Variants in TBC1D15 observed in about 807,000 individuals in gnomAD.
TBC1D15 encodes the protein GAP for RAB7.
A neutral mutation model predicts 95.4 loss-of-function variants in TBC1D15; 39 were observed. The ratio of observed to expected loss-of-function variants is 0.41; its 90% CI spans 0.32 to 0.53. TBC1D15 has a LOEUF of 0.53. Among genes scored for constraint, TBC1D15 ranks in the 20% least tolerant of loss-of-function variants. The pLI is 0.29. For synonymous variants in TBC1D15, 258 were observed against 261.3 expected (o/e 0.99, Z 0.12); for missense variants, 733 against 794.3 (o/e 0.92, Z 0.93).
At chr12:71,897,749 A>G (rs896372244) in intron 9 of TBC1D15, 98 bp from the exon 10 acceptor site, 9 of 800,822 alleles carry the variant, frequency 1.1e-5, no homozygotes, top group African/African-American at 3.5e-5. Context: ...CTAGCATCAT[A>G]AATGCTTTGA....
In TBC1D15 at chr12:71,860,061, A is replaced by G. The variant is rs373433849; in HGVS notation, c.31-12009A>G. On this transcript the variant is annotated intron_variant, in intron 1 of 16. Coordinates refer to ENST00000485960, the MANE Select transcript of TBC1D15 (RefSeq NM_001146213.3). ...AATGTTCTTGGTGACTTTGTCAAAAATCAGTTGGCTCTAAATTTATTTCTG... is the reference window on the plus strand; with the variant it reads ...AATGTTCTTGGTGACTTTGTCAAAAGTCAGTTGGCTCTAAATTTATTTCTG... 2.6e-5 allele frequency among the ~76,000 whole-genome samples: 4 copies of G among 152,308 alleles called. No homozygotes were observed. The East Asian group carries it at 5.8e-4, about 22-fold the overall frequency.
chr12:71,878,670 C>G (rs1360709316), intron 3 of TBC1D15, among the ~76,000 whole-genome samples: 1 of 151,624 alleles, frequency 6.6e-6, no homozygotes, highest in African/African-American at 2.4e-5. Context: ...CACCCCCCAC[C>G]ACTCCCGGCT....
intron 1 of TBC1D15, among the ~76,000 whole-genome samples, chr12:71,841,893 A>G (rs1885109443): frequency 6.6e-6 from 1 of 152,248 alleles, no homozygotes; most frequent in African/African-American, 2.4e-5. Flanking sequence ...ACATAAAAAG[A>G]CATGATACCT....
intron 1 of TBC1D15, among the ~76,000 whole-genome samples, chr12:71,860,485 TTTC>T (rs2138108513): frequency 6.6e-6 from 1 of 152,368 alleles, no homozygotes; most frequent in East Asian, 1.9e-4. Context: ...TCCTACATTA[TTTC>T]CTTTTTTGTT....
At chr12:71,870,953 A>G (rs770759484) in intron 1 of TBC1D15, among the ~76,000 whole-genome samples, 5 of 152,218 alleles carry the variant, frequency 3.3e-5, no homozygotes, top group African/African-American at 4.8e-5. Flanking sequence ...TCTGAAGACT[A>G]ATATTAATAA....
intron 10 of TBC1D15, among the ~76,000 whole-genome samples, chr12:71,901,984 T>C (rs904774723): frequency 3.9e-5 from 6 of 152,086 alleles, no homozygotes; most frequent in African/African-American, 7.2e-5. Flanking sequence ...TGTGATCCCA[T>C]TCACAGTAGG....
intron 11 of TBC1D15, among the ~76,000 whole-genome samples, chr12:71,908,863 G>A (rs954835437): frequency 1.3e-5 from 2 of 152,078 alleles, no homozygotes; most frequent in African/African-American, 2.4e-5. Flanking sequence ...GTAAATAATT[G>A]GTCTGGGAGT....
chr12:71,858,923 C>T (rs1889753020), intron 1 of TBC1D15, among the ~76,000 whole-genome samples: 1 of 151,482 alleles, frequency 6.6e-6, no homozygotes, highest in Non-Finnish European at 1.5e-5. Context: ...TTTACATTCC[C>T]ACCAGCAGTG....
At chr12:71,845,612 C>T (rs1468939088) in intron 1 of TBC1D15, among the ~76,000 whole-genome samples, 1 of 152,198 alleles carries the variant, frequency 6.6e-6, no homozygotes, top group African/African-American at 2.4e-5. Flanking sequence ...TGCTCAGTCT[C>T]GCATTTCCTG....
chr12:71,894,232 T>C, intron 6 of TBC1D15: 2 of 1,016,248 alleles, frequency 2.0e-6, no homozygotes, highest in Non-Finnish European at 3.0e-6. Context: ...TCAACTAATA[T>C]TTAAATATGA....
intron 3 of TBC1D15, among the ~76,000 whole-genome samples, chr12:71,878,865 T>C (rs371100215): frequency 2.6e-5 from 4 of 152,050 alleles, no homozygotes; most frequent in African/African-American, 7.2e-5. Flanking sequence ...GAAATGACAT[T>C]TGAGGAAGGA....
At chr12:71,849,166 A>AAC in intron 1 of TBC1D15, 22 of 253,690 alleles carry the variant, frequency 8.7e-5, no homozygotes, top group South Asian at 1.2e-4. Flanking sequence ...GTGATTATAA[A>AAC]AAAAAAAAAA....
chr12:71,894,982 A>G lies in TBC1D15; in HGVS notation c.855+99A>G, dbSNP rs41375846. ...ATTTTGGTGATATCTGCTTCTTTCC[A>G]TAATCTGTTCTTAACAACTTTTTGC... On this transcript the variant is annotated intron_variant, in intron 7 of 16. Coordinates refer to ENST00000485960, the MANE Select transcript of TBC1D15 (RefSeq NM_001146213.3). 4,787 of 1,179,596 alleles carry G rather than the reference A, an allele frequency of 4.1e-3. 121 individuals carry two copies. The African/African-American group carries it at 0.06, about 15-fold the overall frequency. 73.1% of individuals were successfully genotyped at this position (1,179,596 alleles called of 1,614,324 possible).
At position 71,896,661 on chromosome 12, in the gene TBC1D15, T is replaced by C. The variant is rs901903844; in HGVS notation, c.985-16T>C. 7.5e-6 allele frequency: 12 copies of C among 1,595,698 alleles called. No homozygotes were observed. The highest frequency in any genetic ancestry group is 1.0e-5 in the Non-Finnish European group (12 of 1,169,756). On this transcript the variant is annotated splice_polypyrimidine_tract_variant and intron_variant, in intron 8 of 16. Coordinates refer to ENST00000485960, the MANE Select transcript of TBC1D15 (RefSeq NM_001146213.3). ...TTCTTTTTCATTCATGTATTTAATATGTATGCTTTCTTCAGGGACTTAGTC... is the reference window on the plus strand; with the variant it reads ...TTCTTTTTCATTCATGTATTTAATACGTATGCTTTCTTCAGGGACTTAGTC...
intron 1 of TBC1D15, among the ~76,000 whole-genome samples, chr12:71,847,044 C>T (rs1886464484): frequency 6.6e-6 from 1 of 152,030 alleles, no homozygotes; most frequent in South Asian, 2.1e-4. Flanking sequence ...ACAGGTGAGG[C>T]ACTGTACCTG....
At position 71,923,519 on chromosome 12, in the gene TBC1D15, A is replaced by G. The variant is rs1870202473; in HGVS notation, c.*315A>G. On this transcript the variant is annotated 3_prime_UTR_variant, in exon 17 of 17. Coordinates refer to ENST00000485960, the MANE Select transcript of TBC1D15 (RefSeq NM_001146213.3). ...AGTTGGAAATTATGCACTTTGAAAA[A>G]CATTCACTTTGTTTAAGCTTATTGG... The G allele has an allele frequency of 4.1e-6, 1 of 243,398 alleles. No individual in the cohort carries two copies. Among genetic ancestry groups the G allele is most frequent in the African/African-American group, 2.3e-5 (1 of 44,392 alleles). The allele number at this position is 243,398 out of a possible 1,614,324, so 15.1% of individuals were successfully genotyped here. A position where few individuals can be genotyped will look rare whatever the true frequency, so the allele number is the denominator to read the frequency against.
At chr12:71,865,056 T>C (rs1891196274) in intron 1 of TBC1D15, among the ~76,000 whole-genome samples, 1 of 152,174 alleles carries the variant, frequency 6.6e-6, no homozygotes, top group South Asian at 2.1e-4. Flanking sequence ...GTCTAAGTCC[T>C]TTTTGGTGTC....
At chr12:71,906,341 G>GTGGTAAA (rs560739485) in intron 10 of TBC1D15, among the ~76,000 whole-genome samples, 7 of 152,314 alleles carry the variant, frequency 4.6e-5, no homozygotes, top group Admixed American at 4.6e-4. Context: ...AGAATGCCTT[G>GTGGTAAA]TGGTAAAGTC....
intron 3 of TBC1D15, among the ~76,000 whole-genome samples, chr12:71,878,524 G>GT (rs370164488): frequency 0.094 from 13,445 of 143,586 alleles, 671 homozygotes; most frequent in South Asian, 0.15. Context: ...GAGGGTTTTT[G>GT]TTTTTTTTTT....
Sources: allele counts gnomAD v4.1 joint callset (sites outside exome capture counted in the v4.1 genomes callset), GRCh38; gene constraint gnomAD v4.1.1; transcripts MANE v1.5; gene names NCBI Gene and HGNC (gene_info 2026-07-23, HGNC 2026-07-21).